The following C2CD2L variants were observed in gnomAD, a reference collection of about 807,000 sequenced individuals.
C2CD2L encodes phospholipid transfer protein C2CD2L.
In C2CD2L, 24 loss-of-function variants were observed where a neutral mutation model predicts 69.9. That is an observed-to-expected ratio of 0.34 (90% CI 0.25 to 0.48). The LOEUF is 0.48. Among genes scored for constraint, C2CD2L ranks in the 20% least tolerant of loss-of-function variants. C2CD2L has a pLI of 0.99. For synonymous variants in C2CD2L, 367 were observed against 391.0 expected, an observed-to-expected ratio of 0.94 and a Z score of 0.72; for missense variants, 811 against 941.5, an observed-to-expected ratio of 0.86 and a Z score of 1.81.
At chr11:119,108,413 T>TG (rs1946648611) in intron 1 of C2CD2L, 1 of 298,712 alleles carries the variant, frequency 3.3e-6, no homozygotes, top group East Asian at 6.1e-5. Context: ...TGTTGGGGCA[T>TG]GGGAGACAGG....
rs1946699211 is a variant in C2CD2L at position 119,110,253 on chromosome 11, A to G, written c.450+54A>G. On this transcript the variant is annotated intron_variant, in intron 2 of 13. Coordinates refer to ENST00000648610, the MANE Select transcript of C2CD2L (RefSeq NM_001290474.2). This position sits in a 1 kb window ranked among gnomAD's most constrained non-coding sequence, Gnocchi z 5.7. ...TGGGGTCCAAGAAGGACTGACCCCA[A>G]GGGCTCCCTTTAGTCCAGAGGTTCT... 2 of 1,317,764 alleles carry G rather than the reference A, an allele frequency of 1.5e-6. No individual in the cohort carries two copies. The highest frequency in any genetic ancestry group is 4.6e-5 in the East Asian group (2 of 43,442). The allele number at this position is 1,317,764 out of a possible 1,614,324, so 81.6% of individuals were successfully genotyped here. A position where few individuals can be genotyped will look rare whatever the true frequency, so the allele number is the denominator to read the frequency against.
intron 5 of C2CD2L, 36 bp downstream of exon 5, chr11:119,111,204 C>T (rs1351560529): frequency 2.5e-6 from 4 of 1,610,490 alleles, no homozygotes; most frequent in African/African-American, 2.7e-5. Context: ...TTTGCATGCA[C>T]CTTGTTCCTA....
intron 7 of C2CD2L, 53 bp from the exon 8 acceptor site, chr11:119,112,275 G>C (rs954417132): frequency 4.6e-6 from 7 of 1,516,430 alleles, no homozygotes; most frequent in Non-Finnish European, 6.3e-6. Flanking sequence ...ACTCAAGTGT[G>C]GGTTCAGCTT....
intron 10 of C2CD2L, 76 bp from the exon 11 acceptor site, chr11:119,113,535 C>A: frequency 6.6e-7 from 1 of 1,516,320 alleles, no homozygotes; most frequent in Non-Finnish European, 8.8e-7. Flanking sequence ...CCAAAGTCTG[C>A]ATCTCAACAA....
In C2CD2L at chr11:119,113,598, C is replaced by T. The variant is rs543728883; in HGVS notation, c.1388-13C>T. 2.5e-6 allele frequency: 4 copies of T among 1,607,802 alleles called. No homozygotes were observed. The highest frequency in any genetic ancestry group is 3.4e-6 in the Non-Finnish European group (4 of 1,176,640). ...AGCAACTCCCAGCTCACTGACCCTCCCCCACCCACCAGACTCCCCCTCCCG... is the reference window on the plus strand; with the variant it reads ...AGCAACTCCCAGCTCACTGACCCTCTCCCACCCACCAGACTCCCCCTCCCG... On this transcript the variant is annotated splice_polypyrimidine_tract_variant and intron_variant, in intron 10 of 13. Coordinates refer to ENST00000648610, the MANE Select transcript of C2CD2L (RefSeq NM_001290474.2).
chr11:119,103,530 C>G (rs1211721281), upstream of C2CD2L, among the ~76,000 whole-genome samples: 2 of 152,098 alleles, frequency 1.3e-5, no homozygotes, highest in Non-Finnish European at 2.9e-5. Context: ...AACCCCGTCT[C>G]TACTGAAAAT....
upstream of C2CD2L, among the ~76,000 whole-genome samples, chr11:119,104,894 G>A (rs896967866): frequency 6.6e-6 from 1 of 152,164 alleles, no homozygotes; most frequent in Admixed American, 6.5e-5. Flanking sequence ...CCAGTCAGCT[G>A]AATCACTCTT....
chr11:119,103,819 C>G (rs1005962360), upstream of C2CD2L, among the ~76,000 whole-genome samples: 4 of 152,186 alleles, frequency 2.6e-5, no homozygotes, highest in South Asian at 2.1e-4. Context: ...AATTTACTTG[C>G]TAGTATTCCA....
chr11:119,110,579 T>C lies in C2CD2L; in HGVS notation c.469T>C (p.Ser157Pro). 1 of 1,609,776 alleles carries C rather than the reference T, an allele frequency of 6.2e-7. No individual in the cohort carries two copies. The highest frequency in any genetic ancestry group is 1.1e-5 in the South Asian group (1 of 90,692). The part of the protein sequence containing the change: ...EHTMVLRCQL[S>P]AEEVRFPVSV... ...GTCTCAGGTGCTGCGTTGCCAGCTC[T>C]CTGCTGAGGAGGTGCGGTTCCCAGT... Residue 157 changes from serine (S) to proline (P), a missense_variant, in exon 3 of 14, where the codon TCT becomes CCT. Transcript: ENST00000648610. The surrounding 1 kb of genome is among the most constrained non-coding windows in gnomAD (Gnocchi z 5.7).
In C2CD2L at chr11:119,116,540, T is replaced by C; in HGVS notation, c.*284T>C. 1.8e-6 allele frequency: 1 copy of C among 546,412 alleles called. No individual in the cohort carries two copies. 33.8% of individuals were successfully genotyped at this position (546,412 alleles called of 1,614,324 possible). On this transcript the variant is annotated 3_prime_UTR_variant, in exon 14 of 14. Transcript: ENST00000648610. ...TTCCCCAGAAGCATTTGCCTCCTGC[T>C]GAGCCTGGTCCCTGAGCGGAGTCCC...
In C2CD2L at chr11:119,114,777, A is replaced by G. The variant is rs555317980; in HGVS notation, c.1909+412A>G. 77 of 234,218 alleles carry G rather than the reference A, an allele frequency of 3.3e-4. No individual in the cohort carries two copies. Among genetic ancestry groups the G allele is most frequent in the African/African-American group, 1.6e-3 (69 of 43,188 alleles). The allele number at this position is 234,218 out of a possible 1,614,324, so 14.5% of individuals were successfully genotyped here. A position where few individuals can be genotyped will look rare whatever the true frequency, so the allele number is the denominator to read the frequency against. ...AACATGGCGAGACCCCATCTCTACT[A>G]AAAATACAATAAATTGGCTGGGCGT... is the stretch of plus-strand genomic sequence containing the variant. On this transcript the variant is annotated intron_variant, in intron 13 of 13. Transcript: ENST00000648610. The surrounding 1 kb of genome is among the most constrained non-coding windows in gnomAD (Gnocchi z 5.1).
chr11:119,105,604 C>A (rs1946567859), upstream of C2CD2L, among the ~76,000 whole-genome samples: 1 of 149,732 alleles, frequency 6.7e-6, no homozygotes, highest in Admixed American at 6.7e-5. Flanking sequence ...CTCGCTACTG[C>A]ACCCCAGCCT....
In C2CD2L at chr11:119,112,758, G is replaced by T. The variant is rs774952377; in HGVS notation, c.1271G>T (p.Arg424Leu). The T allele has an allele frequency of 2.2e-5, 35 of 1,613,992 alleles. No homozygotes were observed. The highest frequency in any genetic ancestry group is 2.9e-5 in the Non-Finnish European group (34 of 1,179,922). ...NLGTPTSSTP[R>L]PSITPTKKIE... ...GGTACTCCCACCTCCTCCACTCCAC[G>T]CCCCAGCATCACACCTACCAAGAAG... Residue 424 changes from arginine to leucine, a missense_variant, in exon 10 of 14, where the codon CGC (arginine) becomes CTC (leucine). Arg to Leu is a moderately radical substitution (Grantham distance 102). Coordinates refer to ENST00000648610, the MANE Select transcript of C2CD2L (RefSeq NM_001290474.2).
At position 119,116,315 on chromosome 11, in the gene C2CD2L, A is replaced by T; in HGVS notation, c.*59A>T. ...GCCCATTCCCCACCTCCCCTTCCAT[A>T]CCCCTTCCTGGATCTCCAGTGCCTG... On this transcript the variant is annotated 3_prime_UTR_variant, in exon 14 of 14. Coordinates refer to ENST00000648610, the MANE Select transcript of C2CD2L (RefSeq NM_001290474.2). 1 of 1,348,864 alleles carries T rather than the reference A, an allele frequency of 7.4e-7. No individual in the cohort carries two copies. The highest frequency in any genetic ancestry group is 2.3e-5 in the East Asian group (1 of 43,074). The allele number at this position is 1,348,864 out of a possible 1,614,324, so 83.6% of individuals were successfully genotyped here.
In C2CD2L at chr11:119,116,226, G is replaced by A. The variant is rs775389238; in HGVS notation, c.2091G>A (p.Lys697=). The A allele has an allele frequency of 8.1e-6, 13 of 1,614,108 alleles. No homozygotes were observed. The highest frequency in any genetic ancestry group is 1.3e-5 in the African/African-American group (1 of 74,938). The change falls in exon 14 of 14, where the codon AAG becomes AAA. Residue 697 remains lysine, a synonymous_variant. Coordinates refer to ENST00000648610, the MANE Select transcript of C2CD2L (RefSeq NM_001290474.2). ...GCTTTTCCTTCAAATCCAAACCCAA[G>A]GCCAATGGTAACCCCAGCCCCCAGC... ...IKRFSFKSKP[K]ANGNPSPQL
Position 119,116,377 on chromosome 11 carries a change from C to A in C2CD2L, c.*121C>A. On this transcript the variant is annotated 3_prime_UTR_variant, in exon 14 of 14. Transcript: ENST00000648610. ...CCCTCTGGGTTCCGGGAAGCCCCGTCCACCCTGGGCCATGGGGCCGGTTGG... is the reference window on the plus strand; with the variant it reads ...CCCTCTGGGTTCCGGGAAGCCCCGTACACCCTGGGCCATGGGGCCGGTTGG... 1 of 774,702 alleles carries A rather than the reference C, an allele frequency of 1.3e-6. No homozygotes were observed. Among genetic ancestry groups the A allele is most frequent in the Non-Finnish European group, 2.1e-6 (1 of 479,358 alleles). 48.0% of individuals were successfully genotyped at this position (774,702 alleles called of 1,614,324 possible).
In C2CD2L at chr11:119,116,326, GAT is replaced by G; in HGVS notation, c.*71_*72del. 7.8e-7 allele frequency: 1 copy of G among 1,274,094 alleles called. No individual in the cohort carries two copies. Among genetic ancestry groups the G allele is most frequent in the Non-Finnish European group, 1.1e-6 (1 of 885,878 alleles). The allele number at this position is 1,274,094 out of a possible 1,614,324, so 78.9% of individuals were successfully genotyped here. ...ACCTCCCCTTCCATACCCCTTCCTG[GAT>G]CTCCAGTGCCTGGGCCAGGAAAGCC... On this transcript the variant is annotated 3_prime_UTR_variant, in exon 14 of 14. Coordinates refer to ENST00000648610, the MANE Select transcript of C2CD2L (RefSeq NM_001290474.2).
At position 119,113,623 on chromosome 11, in the gene C2CD2L, G is replaced by A. The variant is rs765012599; in HGVS notation, c.1400G>A (p.Arg467His). The change falls in exon 11 of 14, where the codon CGC becomes CAC. Residue 467 changes from arginine to histidine, a missense_variant. By Grantham distance (29) the Arg-to-His change is conservative. Coordinates refer to ENST00000648610, the MANE Select transcript of C2CD2L (RefSeq NM_001290474.2). ...CCCCACCCACCAGACTCCCCCTCCC[G>A]CTCCCCGTCCAAGGTGGAGGTGACC... Reference protein sequence around the residue: ...RIDGKLDSPSRSPSKVEVTEK... With the variant: ...RIDGKLDSPSHSPSKVEVTEK... 1.1e-5 allele frequency: 12 copies of A among 1,128,282 alleles called. No individual in the cohort carries two copies. Among genetic ancestry groups the A allele is most frequent in the Non-Finnish European group, 1.2e-5 (10 of 811,028 alleles). The allele number at this position is 1,128,282 out of a possible 1,614,324, so 69.9% of individuals were successfully genotyped here. A position where few individuals can be genotyped will look rare whatever the true frequency, so the allele number is the denominator to read the frequency against.
At chr11:119,115,761 C>T (rs1214285698) in intron 13 of C2CD2L, 5 of 493,160 alleles carry the variant, frequency 1.0e-5, no homozygotes, top group African/African-American at 1.9e-5. Flanking sequence ...ATCTCTTTTG[C>T]GGGCAGAGTT....
Sources: allele counts gnomAD v4.1 joint callset (sites outside exome capture counted in the v4.1 genomes callset), GRCh38; gene constraint gnomAD v4.1.1; non-coding constraint Gnocchi (gnomAD v3.1); transcripts MANE v1.5; gene names NCBI Gene and HGNC (gene_info 2026-07-23, HGNC 2026-07-21).